The following ABRAXAS1 variants were observed in gnomAD, a reference collection of about 807,000 sequenced individuals.
ABRAXAS1 encodes the protein abraxas 1, BRCA1 A complex subunit, also known as BRCA1-A complex subunit Abraxas 1.
In ABRAXAS1, 26 loss-of-function variants were observed where a neutral mutation model predicts 38.4. The ratio of observed to expected loss-of-function variants is 0.68; its 90% CI spans 0.50 to 0.94. ABRAXAS1 has a LOEUF of 0.94. ABRAXAS1 is among the 40% of genes least tolerant of loss of function. The pLI is 0.00. For missense variants in ABRAXAS1, 438 were observed against 481.9 expected (o/e 0.91, Z 0.85); for synonymous variants, 144 against 165.5 (o/e 0.87, Z 1.00).
At chr4:83,467,384 A>C (rs1432940699) in intron 7 of ABRAXAS1, 70 bp downstream of exon 7, 8 of 894,324 alleles carry the variant, frequency 8.9e-6, no homozygotes, top group Non-Finnish European at 1.5e-5. Flanking sequence ...GTTATCCTAA[A>C]AAATGTCAGT....
At chr4:83,469,293 G>T in intron 5 of ABRAXAS1, 142 bp from the exon 6 acceptor site, 3 of 626,676 alleles carry the variant, frequency 4.8e-6, no homozygotes, top group Non-Finnish European at 5.5e-6. Context: ...ATCCAAAATA[G>T]AATTTACTGA....
intron 1 of ABRAXAS1, among the ~76,000 whole-genome samples, chr4:83,484,455 A>G (rs968480641): frequency 4.6e-5 from 7 of 152,398 alleles, no homozygotes; most frequent in Non-Finnish European, 8.8e-5. Flanking sequence ...AAATAAAAAG[A>G]TATCTGATAT....
Position 83,462,230 on chromosome 4 carries a change from C to A in ABRAXAS1, c.*239G>T. ...TTCTAAAGAATGTGTCTGTGTAAGC[C>A]TTCCCCTCAACAACTTAGTGAAAGG... On this transcript the variant is annotated 3_prime_UTR_variant, in exon 9 of 9. Transcript: ENST00000321945. 1 of 465,956 alleles carries A rather than the reference C, an allele frequency of 2.1e-6. No homozygotes were observed. The highest frequency in any genetic ancestry group is 3.8e-6 in the Non-Finnish European group (1 of 260,998). The allele number at this position is 465,956 out of a possible 1,614,324, so 28.9% of individuals were successfully genotyped here. A position where few individuals can be genotyped will look rare whatever the true frequency, so the allele number is the denominator to read the frequency against.
chr4:83,465,240 G>C (rs1393454133), intron 7 of ABRAXAS1, among the ~76,000 whole-genome samples: 1 of 138,154 alleles, frequency 7.2e-6, no homozygotes, highest in Non-Finnish European at 1.5e-5. Context: ...AGGTTACAGT[G>C]AGCCAAGATC....
intron 5 of ABRAXAS1, 51 bp from the exon 6 acceptor site, chr4:83,469,202 G>T (rs1473516244): frequency 1.3e-6 from 2 of 1,494,822 alleles, no homozygotes; most frequent in Non-Finnish European, 1.9e-6. Context: ...AGAAAGATTA[G>T]TATCTACCTG....
chr4:83,474,345 A>G (rs959525852), intron 3 of ABRAXAS1, among the ~76,000 whole-genome samples: 1 of 152,006 alleles, frequency 6.6e-6, no homozygotes. Context: ...TGTATAGAAA[A>G]TATTTCAGGC....
At position 83,461,088 on chromosome 4, in the gene ABRAXAS1, G is replaced by A. The variant is rs188443986; in HGVS notation, c.*1381C>T. On this transcript the variant is annotated 3_prime_UTR_variant, in exon 9 of 9. Coordinates refer to ENST00000321945, the MANE Select transcript of ABRAXAS1 (RefSeq NM_139076.3). ...AGCTAGCTGAAATTTTGCTCATTAT[G>A]TTTTGTCAAGAACTTTAATTATCTC... 1.6e-3 allele frequency: 2,630 copies of A among 1,612,982 alleles called. 4 individuals are homozygous for A. The highest frequency in any genetic ancestry group is 1.9e-3 in the Non-Finnish European group (2,237 of 1,179,118).
Position 83,465,299 on chromosome 4 carries a change from C to CAAAAAAAAAAAA in ABRAXAS1, c.682-1703_682-1692dup, listed in dbSNP as rs35072866. On this transcript the variant is annotated intron_variant, in intron 7 of 8. Coordinates refer to ENST00000321945, the MANE Select transcript of ABRAXAS1 (RefSeq NM_139076.3). ...CAGGCGACACACTGAGACTCTGTCT[C>CAAAAAAAAAAAA]AAAAAAAAAAAAAAAAAAAAGAAGA... is the stretch of plus-strand genomic sequence containing the variant. 1.2e-3 allele frequency among the ~76,000 whole-genome samples: 106 copies of CAAAAAAAAAAAA among 88,140 alleles called. 1 individual carries two copies. The highest frequency in any genetic ancestry group is 1.9e-3 in the East Asian group (4 of 2,134). The allele number at this position is 88,140 out of a possible 152,430, so 57.8% of individuals were successfully genotyped here.
At chr4:83,463,354 C>T (rs1336328037) in intron 8 of ABRAXAS1, 140 bp downstream of exon 8, 6 of 520,762 alleles carry the variant, frequency 1.2e-5, no homozygotes, top group Admixed American at 1.1e-4. Context: ...AATCGCTTGA[C>T]CCCAGGAGGC....
Position 83,460,820 on chromosome 4 carries a change from C to T in ABRAXAS1, c.*1649G>A, listed in dbSNP as rs1041425183. On this transcript the variant is annotated 3_prime_UTR_variant, in exon 9 of 9. Coordinates refer to ENST00000321945, the MANE Select transcript of ABRAXAS1 (RefSeq NM_139076.3). ...ACTAAGGAGGCTGAGGCAAGATAAT[C>T]GATTGAGCCTGGGTGGCGGAGGTTG... The T allele has an allele frequency of 5.9e-5, 37 of 623,022 alleles. No individual in the cohort carries two copies. In the Middle Eastern group the frequency reaches 1.3e-3, roughly 23 times the overall value. The allele number at this position is 623,022 out of a possible 1,614,324, so 38.6% of individuals were successfully genotyped here.
chr4:83,478,032 G>A (rs1342308453), intron 2 of ABRAXAS1: 1 of 986,406 alleles, frequency 1.0e-6, no homozygotes, highest in African/African-American at 1.6e-5. Flanking sequence ...GGCACCAGGG[G>A]TCTGTGGAGG....
intron 7 of ABRAXAS1, among the ~76,000 whole-genome samples, chr4:83,465,645 G>A (rs1578124933): frequency 6.6e-6 from 1 of 152,070 alleles, no homozygotes; most frequent in African/African-American, 2.4e-5. Context: ...AAAATTAGCT[G>A]GGTGTAGTGG....
Position 83,467,604 on chromosome 4 carries a change from TATTC to T in ABRAXAS1, c.597-70_597-67del, listed in dbSNP as rs139661623. On this transcript the variant is annotated intron_variant, in intron 6 of 8. Transcript: ENST00000321945. ...CATTTTAATGATAAGGTGAAAAACT[TATTC>T]ATTGTCAAGGACCAATAGAAGAGTC... The T allele has an allele frequency of 0.026, 21,434 of 826,078 alleles. 2,989 individuals are homozygous for T. The African/African-American group carries it at 0.32, about 12-fold the overall frequency. 51.2% of individuals were successfully genotyped at this position (826,078 alleles called of 1,614,324 possible).
Position 83,484,945 on chromosome 4 carries a change from T to C in ABRAXAS1, c.87+41A>G, listed in dbSNP as rs562246925. On this transcript the variant is annotated intron_variant, in intron 1 of 8. Transcript: ENST00000321945. ...GGGAGGCAGGCCGCGCGCAGGGCTC[T>C]TCCCAGGCGACGCCGGACCCCGCCC... 32 of 1,512,968 alleles carry C rather than the reference T, an allele frequency of 2.1e-5. No homozygotes were observed. In the South Asian group the frequency reaches 3.9e-4, roughly 18 times the overall value. The allele number at this position is 1,512,968 out of a possible 1,614,324, so 93.7% of individuals were successfully genotyped here.
intron 2 of ABRAXAS1, 132 bp downstream of exon 2, chr4:83,482,022 G>A (rs936101067): frequency 4.1e-5 from 24 of 580,322 alleles, no homozygotes; most frequent in Non-Finnish European, 6.1e-5. Flanking sequence ...TGGGATTACA[G>A]GTGTGAGCCA....
In ABRAXAS1 at chr4:83,465,256, A is replaced by G. The variant is rs1722303866; in HGVS notation, c.682-1648T>C. ...GGTTACAGTGAGCCAAGATCATGCC[A>G]TTCATTGCACTCCAGTCCAGGCGAC... On this transcript the variant is annotated intron_variant, in intron 7 of 8. Transcript: ENST00000321945. Among the ~76,000 whole-genome samples, 3 of 135,514 alleles carry G rather than the reference A, an allele frequency of 2.2e-5. No individual in the cohort carries two copies. The South Asian group carries it at 7.5e-4, about 34-fold the overall frequency. The allele number at this position is 135,514 out of a possible 152,430, so 88.9% of individuals were successfully genotyped here.
intron 3 of ABRAXAS1, 76 bp from the exon 4 acceptor site, chr4:83,472,364 T>C: frequency 1.1e-6 from 1 of 916,126 alleles, no homozygotes; most frequent in Non-Finnish European, 1.6e-6. Context: ...TAAATTTTAG[T>C]TATTCCTAAC....
intron 4 of ABRAXAS1, among the ~76,000 whole-genome samples, chr4:83,470,926 A>G (rs1364106839): frequency 6.6e-6 from 1 of 152,226 alleles, no homozygotes; most frequent in Non-Finnish European, 1.5e-5. Context: ...CAACATACTA[A>G]GCAAATGTGT....
In ABRAXAS1 at chr4:83,469,038, G is replaced by A. The variant is rs1192666584; in HGVS notation, c.590C>T (p.Thr197Ile). 6.2e-7 allele frequency: 1 copy of A among 1,612,836 alleles called. No homozygotes were observed. Among genetic ancestry groups the A allele is most frequent in the Admixed American group, 1.7e-5 (1 of 59,960 alleles). ...MSTGFSRAVQ[T>I]HSSKFFEEDG... ...GAAAGCAGTTGAATCTTACCTGTGTGTTTGTACTGCTCGGCTAAAACCAGT... is the reference window on the plus strand; with the variant it reads ...GAAAGCAGTTGAATCTTACCTGTGTATTTGTACTGCTCGGCTAAAACCAGT... Residue 197 changes from threonine to isoleucine, a missense_variant, in exon 6 of 9, where the codon ACA becomes ATA. Thr to Ile is a moderately conservative substitution (Grantham distance 89). Coordinates refer to ENST00000321945, the MANE Select transcript of ABRAXAS1 (RefSeq NM_139076.3).
Sources: gnomAD v4.1 joint callset for allele counts (sites outside exome capture counted in the v4.1 genomes callset) on GRCh38, gnomAD v4.1.1 for gene constraint, MANE v1.5 for transcripts, NCBI Gene and HGNC (gene_info 2026-07-23, HGNC 2026-07-21) for gene names.